MEG3: variants seen among roughly 807,000 people sequenced by gnomAD.
The protein encoded by MEG3 is Very putative protein from MEG3 locus.
At chr14:100,834,330 T>C (rs2037488052) in exon 1 of MEG3, 1 of 239,854 alleles carries the variant, frequency 4.2e-6, no homozygotes, top group African/African-American at 2.3e-5. Context: ...CAGTAGCTCC[T>C]GTGGACATTG....
At chr14:100,834,610 C>T (rs1158756057) in exon 1 of MEG3, 1 of 446,118 alleles carries the variant, frequency 2.2e-6, no homozygotes, top group East Asian at 7.0e-5. Flanking sequence ...CTCAATATCT[C>T]CCTCTCTTTG....
intron 1 of MEG3, among the ~76,000 whole-genome samples, chr14:100,827,926 G>A (rs1479370753): frequency 6.6e-6 from 1 of 152,216 alleles, no homozygotes; most frequent in African/African-American, 2.4e-5. Flanking sequence ...GCGCTCCAGA[G>A]GGGCCTGGCG....
At chr14:100,826,380 A>G (rs2037231324) in intron 1 of MEG3, 1 of 152,348 alleles carries the variant, frequency 6.6e-6, no homozygotes, top group South Asian at 2.1e-4. Context: ...CCGCAACAAA[A>G]TTTGTCAGAA....
exon 1 of MEG3, chr14:100,834,611 C>A: frequency 2.2e-6 from 1 of 446,262 alleles, no homozygotes; most frequent in South Asian, 1.6e-5. Context: ...TCAATATCTC[C>A]CTCTCTTTGT....
chr14:100,849,346 TGG>T (rs1317001760), intron 3 of MEG3: 1 of 152,064 alleles, frequency 6.6e-6, no homozygotes, highest in African/African-American at 2.4e-5. Flanking sequence ...CCGCAGATTA[TGG>T]TTAATCCAAT....
chr14:100,855,193 A>G (rs1451102389), upstream of MEG3: 2 of 152,688 alleles, frequency 1.3e-5, no homozygotes, highest in African/African-American at 2.4e-5. Context: ...GAGGCCGGCA[A>G]TGACTTTCAA....
At chr14:100,854,936 C>G (rs2038192336), upstream of MEG3, 1 of 152,642 alleles carries the variant, frequency 6.6e-6, no homozygotes, top group South Asian at 2.1e-4. Flanking sequence ...TTTTCTTCAC[C>G]TGGGGCAATT....
chr14:100,827,794 C>T (rs977685307), intron 1 of MEG3, among the ~76,000 whole-genome samples: 1 of 152,202 alleles, frequency 6.6e-6, no homozygotes, highest in African/African-American at 2.4e-5. Flanking sequence ...TCCGAGACCA[C>T]CCACATGCGT....
upstream of MEG3, chr14:100,852,365 G>A (rs1236861997): frequency 1.9e-6 from 1 of 533,728 alleles, no homozygotes; most frequent in Non-Finnish European, 3.8e-6. Flanking sequence ...CATTTGGAAG[G>A]CGGAGGACAT....
At chr14:100,853,873 C>T (rs902097351), upstream of MEG3, 3 of 152,144 alleles carry the variant, frequency 2.0e-5, no homozygotes, top group Admixed American at 6.6e-5. Flanking sequence ...AGACTGTGAG[C>T]CCCATAAGGG....
intron 3 of MEG3, chr14:100,849,556 G>A (rs1173754134): frequency 6.6e-6 from 1 of 152,202 alleles, no homozygotes; most frequent in Non-Finnish European, 1.5e-5. Flanking sequence ...AGGAAGAGAA[G>A]TGTCAGGGAG....
exon 1 of MEG3, chr14:100,835,071 G>A: frequency 2.9e-6 from 1 of 347,422 alleles, no homozygotes; most frequent in Non-Finnish European, 5.7e-6. Flanking sequence ...AGGGGCTGGA[G>A]CAGTGGACTG....
intron 1 of MEG3, among the ~76,000 whole-genome samples, chr14:100,826,802 G>A (rs796826585): frequency 5.3e-5 from 8 of 152,284 alleles, no homozygotes; most frequent in African/African-American, 1.9e-4. Flanking sequence ...GTGGACCCCA[G>A]GCAAAATGTG....
chr14:100,841,733 C>T (rs886372710), intron 2 of MEG3, among the ~76,000 whole-genome samples: 1 of 152,176 alleles, frequency 6.6e-6, no homozygotes, highest in South Asian at 2.1e-4. Context: ...ATGCAGGGAT[C>T]GTGTTTTATG....
At chr14:100,827,658 G>A (rs2037279583) in intron 1 of MEG3, 1 of 152,496 alleles carries the variant, frequency 6.6e-6, no homozygotes, top group African/African-American at 2.4e-5. Context: ...AGAAATTGTT[G>A]TTGTGGCGAA....
chr14:100,842,703 A>G (rs2037797732), intron 2 of MEG3, among the ~76,000 whole-genome samples: 1 of 152,244 alleles, frequency 6.6e-6, no homozygotes. Flanking sequence ...TAAGTTGTTT[A>G]TACCAAAGAC....
At chr14:100,834,203 C>A (rs900840287) in exon 1 of MEG3, 1 of 155,004 alleles carries the variant, frequency 6.5e-6, no homozygotes, top group African/African-American at 2.4e-5. Flanking sequence ...ATAGAGCACG[C>A]CTGATGTTTC....
At chr14:100,835,047 C>CCG in exon 1 of MEG3, 1 of 348,394 alleles carries the variant, frequency 2.9e-6, no homozygotes, top group East Asian at 7.7e-5. Flanking sequence ...GGAGGGCGGG[C>CCG]CGGGGGGTTG....
At chr14:100,835,586 C>A in exon 1 of MEG3, 1 of 154,394 alleles carries the variant, frequency 6.5e-6, no homozygotes, top group Non-Finnish European at 1.4e-5. Context: ...TGCCTCAGTC[C>A]CTGGGCTCCA....
Sources: allele counts gnomAD v4.1 joint callset (sites outside exome capture counted in the v4.1 genomes callset), GRCh38; gene constraint gnomAD v4.1.1; transcripts MANE v1.5; gene names NCBI Gene and HGNC (gene_info 2026-07-23, HGNC 2026-07-21).